Variants in IL1RAPL2 observed in about 807,000 individuals in gnomAD.
The protein encoded by IL1RAPL2 is interleukin 1 receptor accessory protein like 2.
A neutral mutation model predicts 44.1 loss-of-function variants in IL1RAPL2; 3 were observed. The observed-to-expected ratio is 0.07, with a 90% CI of 0.03 to 0.18. The LOEUF (loss-of-function observed/expected upper bound fraction) is 0.18. IL1RAPL2 is among the 10% of genes least tolerant of loss of function. IL1RAPL2 has a pLI of 1.00. For synonymous variants in IL1RAPL2, 181 were observed against 178.8 expected, an observed-to-expected ratio of 1.01 and a Z score of -0.10; for missense variants, 391 against 496.4, an observed-to-expected ratio of 0.79 and a Z score of 2.02.
intron 5 of IL1RAPL2, among the ~76,000 whole-genome samples, chrX:105,313,913 GT>G (rs1184049927): frequency 9.0e-6 from 1 of 111,426 alleles, no homozygotes; most frequent in African/African-American, 3.3e-5. Flanking sequence ...TCAAAGAGAG[GT>G]TACTTTAGAA....
chrX:105,389,697 A>C (rs192096594), intron 5 of IL1RAPL2, among the ~76,000 whole-genome samples: 1 of 111,593 alleles, frequency 9.0e-6, no homozygotes, highest in African/African-American at 3.3e-5. Context: ...GATCTCCAGG[A>C]TAGTTCTTTT....
At chrX:105,693,504 C>T (rs993833834) in intron 6 of IL1RAPL2, among the ~76,000 whole-genome samples, 18 of 112,042 alleles carry the variant, frequency 1.6e-4, no homozygotes, top group South Asian at 3.7e-4. Flanking sequence ...TCTTCCCTGA[C>T]GAATGAAAGC....
intron 2 of IL1RAPL2, among the ~76,000 whole-genome samples, chrX:104,860,655 A>G (rs1366075254): frequency 9.0e-6 from 1 of 111,096 alleles, no homozygotes; most frequent in Non-Finnish European, 1.9e-5. Flanking sequence ...TCTAACTCCA[A>G]AATACTCCAA....
intron 6 of IL1RAPL2, among the ~76,000 whole-genome samples, chrX:105,518,087 C>G (rs1345661735): frequency 9.0e-6 from 1 of 110,545 alleles, no homozygotes; most frequent in African/African-American, 3.3e-5. Context: ...AATGGAGAGG[C>G]CATTGGATTT....
chrX:105,309,076 C>T (rs933128830), intron 5 of IL1RAPL2, among the ~76,000 whole-genome samples: 10 of 110,159 alleles, frequency 9.1e-5, no homozygotes, highest in African/African-American at 3.0e-4. Flanking sequence ...CCCTTGTCGC[C>T]CAGGCTGGAG....
intron 5 of IL1RAPL2, among the ~76,000 whole-genome samples, chrX:105,371,956 C>T (rs2035344252): frequency 9.0e-6 from 1 of 111,485 alleles, no homozygotes; most frequent in South Asian, 3.8e-4. Context: ...TAGATTGGTA[C>T]TGAATTCAGG....
intron 2 of IL1RAPL2, among the ~76,000 whole-genome samples, chrX:104,912,325 C>A (rs1450969213): frequency 1.1e-4 from 12 of 110,501 alleles, no homozygotes; most frequent in African/African-American, 4.0e-4. Context: ...ATCAAGATTA[C>A]TTGCCCACCT....
chrX:105,077,416 G>C (rs142430459), intron 2 of IL1RAPL2, among the ~76,000 whole-genome samples: 7,073 of 111,934 alleles, frequency 0.063, 603 homozygotes, highest in African/African-American at 0.22. Flanking sequence ...GAGGTCAGCT[G>C]TTAGTCTGAT....
chrX:105,073,176 T>A (rs2032234195), intron 2 of IL1RAPL2, among the ~76,000 whole-genome samples: 1 of 93,425 alleles, frequency 1.1e-5, no homozygotes, highest in Admixed American at 1.1e-4. Flanking sequence ...GTATATCTCC[T>A]AATGCTATCC....
In IL1RAPL2 at chrX:105,476,412, G is replaced by C. The variant is rs1343976075; in HGVS notation, c.698-7901G>C. Among the ~76,000 whole-genome samples the C allele has an allele frequency of 1.2e-4, 13 of 112,124 alleles. No individual in the cohort carries two copies. In the Admixed American group the frequency reaches 1.2e-3, roughly 11 times the overall value. On this transcript the variant is annotated intron_variant, in intron 5 of 10. Transcript: ENST00000372582. Reference sequence around the variant, plus strand: ...TTTAAAGGGTTGTAGTAGGTAGGGAGATGAGGGAGATACATGTAAAAGTAT... The same window carrying C: ...TTTAAAGGGTTGTAGTAGGTAGGGACATGAGGGAGATACATGTAAAAGTAT...
intron 8 of IL1RAPL2, among the ~76,000 whole-genome samples, chrX:105,743,325 T>G (rs1308393984): frequency 1.8e-5 from 2 of 111,647 alleles, no homozygotes; most frequent in African/African-American, 3.3e-5. Flanking sequence ...ACATCTGATC[T>G]CATTTTCTAC....
intron 9 of IL1RAPL2, 61 bp downstream of exon 9, chrX:105,749,164 G>T (rs2038576199): frequency 2.4e-5 from 26 of 1,088,504 alleles, no homozygotes; most frequent in Non-Finnish European, 3.1e-5. Context: ...TTATGTAAGA[G>T]AACTTCCCTA....
intron 5 of IL1RAPL2, among the ~76,000 whole-genome samples, chrX:105,357,148 G>A (rs762902465): frequency 1.8e-5 from 2 of 111,260 alleles, no homozygotes; most frequent in South Asian, 7.6e-4. Flanking sequence ...TTTGAGCTAT[G>A]AGACATTAGG....
At chrX:104,697,602 G>A (rs1425872878) in intron 2 of IL1RAPL2, among the ~76,000 whole-genome samples, 1 of 111,585 alleles carries the variant, frequency 9.0e-6, no homozygotes, top group East Asian at 2.8e-4. Flanking sequence ...ACTATGTTAG[G>A]GCTGGGAATG....
intron 6 of IL1RAPL2, among the ~76,000 whole-genome samples, chrX:105,558,072 A>G (rs73636237): frequency 2.1e-3 from 238 of 111,333 alleles, no homozygotes; most frequent in African/African-American, 7.4e-3. Context: ...CTCATAGCCC[A>G]AGTATACTTG....
At chrX:104,779,398 G>T (rs1237809290) in intron 2 of IL1RAPL2, among the ~76,000 whole-genome samples, 7 of 111,800 alleles carry the variant, frequency 6.3e-5, no homozygotes. Context: ...GGCACTATCA[G>T]ATGTAATTGG....
At chrX:105,291,699 T>C (rs1046245874) in intron 5 of IL1RAPL2, among the ~76,000 whole-genome samples, 1 of 111,490 alleles carries the variant, frequency 9.0e-6, no homozygotes, top group Non-Finnish European at 1.9e-5. Flanking sequence ...GTTTCATGGA[T>C]ATCCTTCCAT....
intron 7 of IL1RAPL2, among the ~76,000 whole-genome samples, chrX:105,729,800 C>A (rs2038385478): frequency 9.9e-6 from 1 of 101,407 alleles, no homozygotes; most frequent in Non-Finnish European, 2.0e-5. Context: ...AGAAAGAACA[C>A]AAATATTACC....
chrX:105,710,246 C>T (rs1204401871), intron 6 of IL1RAPL2, among the ~76,000 whole-genome samples: 4 of 109,777 alleles, frequency 3.6e-5, no homozygotes, highest in African/African-American at 9.9e-5. Flanking sequence ...AATCATTATT[C>T]TATTCTAAGG....
Sources: allele counts gnomAD v4.1 joint callset (sites outside exome capture counted in the v4.1 genomes callset), GRCh38; gene constraint gnomAD v4.1.1; transcripts MANE v1.5; gene names NCBI Gene and HGNC (gene_info 2026-07-23, HGNC 2026-07-21).